The following HFM1 variants were observed in gnomAD, a reference collection of about 807,000 sequenced individuals.
HFM1 encodes the protein probable ATP-dependent DNA helicase HFM1.
HFM1 carries 169 observed loss-of-function variants against 192.1 expected under a neutral mutation model. That is an observed-to-expected ratio of 0.88 (90% CI 0.78 to 1.00). The LOEUF (loss-of-function observed/expected upper bound fraction) is 1.00. Ranked by LOEUF, HFM1 falls within the 50% of genes least tolerant of loss-of-function variation. The pLI, the probability that HFM1 is intolerant of heterozygous loss-of-function variation, is 0.00. For synonymous variants in HFM1, 525 were observed against 537.8 expected (o/e 0.98, Z 0.33); for missense variants, 1,661 against 1,668.0 (o/e 1.00, Z 0.07).
At chr1:91,319,772 T>C (rs532765879) in intron 23 of HFM1, among the ~76,000 whole-genome samples, 60 of 152,292 alleles carry the variant, frequency 3.9e-4, no homozygotes, top group African/African-American at 1.3e-3. Flanking sequence ...CCAATACAGA[T>C]CTATCTTTTG....
chr1:91,290,862 C>A (rs1006995434), intron 30 of HFM1, among the ~76,000 whole-genome samples: 18 of 152,294 alleles, frequency 1.2e-4, no homozygotes, highest in Admixed American at 2.6e-4. Flanking sequence ...TCTCAGACCA[C>A]AGTGCAATCA....
At chr1:91,277,773 A>G (rs1427193294) in intron 30 of HFM1, among the ~76,000 whole-genome samples, 1 of 122,066 alleles carries the variant, frequency 8.2e-6, no homozygotes, top group Non-Finnish European at 1.6e-5. Flanking sequence ...ATACTAATAT[A>G]TATAATGTAT....
intron 30 of HFM1, 46 bp downstream of exon 30, chr1:91,313,303 C>T: frequency 1.7e-6 from 2 of 1,151,152 alleles, no homozygotes; most frequent in Admixed American, 2.0e-5. Context: ...CCTTCCTAGC[C>T]ATATCTTTGC....
chr1:91,294,069 G>A (rs1210803084), intron 30 of HFM1, among the ~76,000 whole-genome samples: 1 of 141,994 alleles, frequency 7.0e-6, no homozygotes, highest in Non-Finnish European at 1.5e-5. Flanking sequence ...GGAGGGGGAA[G>A]GGATAGCATT....
At position 91,398,474 on chromosome 1, in the gene HFM1, TTCTC is replaced by T. The variant is rs1218190914; in HGVS notation, c.72-2073_72-2070del. On this transcript the variant is annotated intron_variant, in intron 2 of 38. Transcript: ENST00000370425. ...TAACTGCCCTCACTGCCTCCAGGCT[TTCTC>T]TCTATTTTACAAGTTCCTACCACAT... Among the ~76,000 whole-genome samples the T allele has an allele frequency of 3.9e-5, 6 of 152,318 alleles. No individual in the cohort carries two copies. In the South Asian group the frequency reaches 6.2e-4, roughly 16 times the overall value.
chr1:91,377,775 G>A (rs2101985838), intron 11 of HFM1: 1 of 451,140 alleles, frequency 2.2e-6, no homozygotes, highest in East Asian at 4.3e-5. Context: ...CTGAAACCCA[G>A]GAAACTAAGA....
At chr1:91,280,075 G>T (rs140681445) in intron 30 of HFM1, among the ~76,000 whole-genome samples, 1 of 152,134 alleles carries the variant, frequency 6.6e-6, no homozygotes, top group African/African-American at 2.4e-5. Flanking sequence ...TATTATATCC[G>T]CTATCTCTAC....
intron 20 of HFM1, among the ~76,000 whole-genome samples, chr1:91,333,678 T>C (rs528878204): frequency 6.6e-6 from 1 of 152,284 alleles, no homozygotes; most frequent in South Asian, 2.1e-4. Context: ...TTCCATGATA[T>C]CATTATACAC....
intron 13 of HFM1, among the ~76,000 whole-genome samples, chr1:91,358,928 G>A (rs1658099678): frequency 6.6e-6 from 1 of 152,194 alleles, no homozygotes; most frequent in South Asian, 2.1e-4. Context: ...CATCTTTGCT[G>A]TTTCACAGTC....
In HFM1 at chr1:91,266,009, A is replaced by T; in HGVS notation, c.3974+8T>A. On this transcript the variant is annotated splice_region_variant and intron_variant, in intron 36 of 38. Transcript: ENST00000370425. ...GCAAATATTACAAACCTAAGTTCTAAAACTTGCCTGTTTGACATTTCTCTT... is the reference window on the plus strand; with the variant it reads ...GCAAATATTACAAACCTAAGTTCTATAACTTGCCTGTTTGACATTTCTCTT... 6.3e-7 allele frequency: 1 copy of T among 1,589,406 alleles called. No individual in the cohort carries two copies. Among genetic ancestry groups the T allele is most frequent in the Non-Finnish European group, 8.5e-7 (1 of 1,173,150 alleles).
chr1:91,402,379 T>C (rs899264107), intron 1 of HFM1, among the ~76,000 whole-genome samples: 4 of 152,160 alleles, frequency 2.6e-5, no homozygotes, highest in African/African-American at 7.2e-5. Flanking sequence ...GTTTTCGTTA[T>C]TGGGTTCTTC....
At chr1:91,364,942 A>G (rs1436479809) in intron 13 of HFM1, among the ~76,000 whole-genome samples, 3 of 151,780 alleles carry the variant, frequency 2.0e-5, no homozygotes, top group Non-Finnish European at 4.4e-5. Flanking sequence ...GTGTATATAT[A>G]TATAACATAG....
intron 4 of HFM1, among the ~76,000 whole-genome samples, chr1:91,392,113 A>T (rs1663070223): frequency 6.6e-6 from 1 of 152,132 alleles, no homozygotes; most frequent in African/African-American, 2.4e-5. Flanking sequence ...GCTGGAGAGG[A>T]TGTGGAGAAA....
upstream of HFM1, among the ~76,000 whole-genome samples, chr1:91,406,305 G>C (rs999966377): frequency 6.6e-6 from 1 of 152,204 alleles, no homozygotes; most frequent in Non-Finnish European, 1.5e-5. Context: ...AACTAAGATA[G>C]GGTTTGAGTG....
At chr1:91,292,743 A>G (rs1214569238) in intron 30 of HFM1, among the ~76,000 whole-genome samples, 2 of 152,170 alleles carry the variant, frequency 1.3e-5, no homozygotes, top group African/African-American at 4.8e-5. Flanking sequence ...TCGTATCACC[A>G]AGTCAATCCT....
intron 13 of HFM1, among the ~76,000 whole-genome samples, chr1:91,357,592 G>C (rs977524473): frequency 6.6e-6 from 1 of 151,822 alleles, no homozygotes; most frequent in Admixed American, 6.6e-5. Context: ...CACAGTACTG[G>C]AAGTACTACC....
Position 91,351,614 on chromosome 1 carries a change from CATG to C in HFM1, c.2004_2006del (p.Ile668del). The C allele has an allele frequency of 6.2e-7, 1 of 1,601,074 alleles. No homozygotes were observed. Among genetic ancestry groups the C allele is most frequent in the Non-Finnish European group, 8.5e-7 (1 of 1,172,252 alleles). On this transcript the variant is annotated inframe_deletion, in exon 17 of 39. Coordinates refer to ENST00000370425, the MANE Select transcript of HFM1 (RefSeq NM_001017975.6). The stretch of plus-strand genomic sequence containing the variant: ...ACTTGTCCCTTGTGCTTAATCGAGT[CATG>C]ATAACTGCAGTAGCTGTAGTGTCAA...
intron 31 of HFM1, 88 bp from the exon 32 acceptor site, chr1:91,276,831 T>C: frequency 1.2e-6 from 1 of 833,084 alleles, no homozygotes. Context: ...AAATCTAGTA[T>C]TTACTTTTTT....
At chr1:91,367,897 A>G (rs1380057831) in intron 13 of HFM1, among the ~76,000 whole-genome samples, 3 of 152,236 alleles carry the variant, frequency 2.0e-5, no homozygotes, top group Admixed American at 6.5e-5. Flanking sequence ...CAACGCAGAG[A>G]AGTCCTTAAA....
Sources: allele counts gnomAD v4.1 joint callset (sites outside exome capture counted in the v4.1 genomes callset), GRCh38; gene constraint gnomAD v4.1.1; transcripts MANE v1.5; gene names NCBI Gene and HGNC (gene_info 2026-07-23, HGNC 2026-07-21).